The following LNX1 variants were observed in gnomAD, a reference collection of about 807,000 sequenced individuals.
LNX1 encodes E3 ubiquitin-protein ligase LNX.
A neutral mutation model predicts 68.4 loss-of-function variants in LNX1; 54 were observed. The ratio of observed to expected loss-of-function variants is 0.79; its 90% CI spans 0.63 to 0.99. The LOEUF is 0.99. LNX1 is among the 50% of genes least tolerant of loss of function. LNX1 has a pLI of 0.00. For missense variants in LNX1, 906 were observed against 926.4 expected (o/e 0.98, Z 0.29); for synonymous variants, 336 against 350.0 (o/e 0.96, Z 0.45).
upstream of LNX1, among the ~76,000 whole-genome samples, chr4:53,619,447 A>G (rs933724534): frequency 1.3e-5 from 2 of 152,150 alleles, no homozygotes; most frequent in African/African-American, 4.8e-5. Context: ...GAATCATGCA[A>G]TATGTGGCCT....
chr4:53,559,155 CAGG>C (rs1560665626), intron 2 of LNX1, among the ~76,000 whole-genome samples: 1 of 152,278 alleles, frequency 6.6e-6, no homozygotes, highest in South Asian at 2.1e-4. Context: ...GAAAAGTCTA[CAGG>C]ATGAGACGAG....
At chr4:53,575,107 G>A (rs1228488823) in intron 1 of LNX1, among the ~76,000 whole-genome samples, 1 of 151,894 alleles carries the variant, frequency 6.6e-6, no homozygotes, top group African/African-American at 2.4e-5. Context: ...TCAGCTTCCT[G>A]AGTAGCTGGG....
intron 2 of LNX1, among the ~76,000 whole-genome samples, chr4:53,567,954 T>TGAATCTC: frequency 6.6e-6 from 1 of 152,054 alleles, no homozygotes; most frequent in Admixed American, 6.5e-5. Flanking sequence ...AGGAAGAAGT[T>TGAATCTC]GAATCTCTGA....
At chr4:53,575,968 C>G (rs1297078212) in intron 1 of LNX1, 1 of 1,562,398 alleles carries the variant, frequency 6.4e-7, no homozygotes, top group East Asian at 2.3e-5. Context: ...GGGTGCCCTA[C>G]TGGCAGGCAT....
chr4:53,529,816 C>A (rs368610424), intron 2 of LNX1, among the ~76,000 whole-genome samples: 2 of 152,272 alleles, frequency 1.3e-5, no homozygotes, highest in Admixed American at 6.5e-5. Context: ...TTCCTAAATG[C>A]ATGACAATCA....
chr4:53,643,419 G>A (rs1734764257), intron 1 of LNX1, among the ~76,000 whole-genome samples: 1 of 152,010 alleles, frequency 6.6e-6, no homozygotes, highest in African/African-American at 2.4e-5. Flanking sequence ...CAAAGTGCTG[G>A]GATTACAGGG....
chr4:53,624,203 T>C (rs572368883), intron 1 of LNX1, among the ~76,000 whole-genome samples: 146 of 152,300 alleles, frequency 9.6e-4, no homozygotes, highest in Middle Eastern at 3.4e-3. Flanking sequence ...ATCATTAGCC[T>C]ATTTCTCTCT....
intron 2 of LNX1, among the ~76,000 whole-genome samples, chr4:53,512,344 G>C (rs1579443278): frequency 1.3e-5 from 2 of 150,842 alleles, no homozygotes; most frequent in South Asian, 4.3e-4. Context: ...GCCAGCTCTA[G>C]CTCCAGAGAT....
chr4:53,579,429 A>C (rs1577748611), intron 1 of LNX1, among the ~76,000 whole-genome samples: 2 of 152,094 alleles, frequency 1.3e-5, no homozygotes, highest in South Asian at 4.1e-4. Flanking sequence ...AGAAAAATAA[A>C]AACCCCCATC....
chr4:53,544,263 C>T lies in LNX1; in HGVS notation c.380+29360G>A, dbSNP rs1410564759. ...AGGCTGGAGTGCAGTGGTGCCATCTCAGCTCACTGCAGCCTCTGCCTTCCA... is the reference window on the plus strand; with the variant it reads ...AGGCTGGAGTGCAGTGGTGCCATCTTAGCTCACTGCAGCCTCTGCCTTCCA... On this transcript the variant is annotated intron_variant, in intron 2 of 10. Transcript: ENST00000263925. Among the ~76,000 whole-genome samples the T allele has an allele frequency of 4.0e-5, 6 of 151,662 alleles. No homozygotes were observed. In the East Asian group the frequency reaches 1.2e-3, roughly 29 times the overall value.
chr4:53,532,480 A>G (rs1560649608), intron 2 of LNX1, among the ~76,000 whole-genome samples: 1 of 152,094 alleles, frequency 6.6e-6, no homozygotes, highest in Non-Finnish European at 1.5e-5. Context: ...AATAAAATAA[A>G]AAAAAGAAAG....
intron 2 of LNX1, among the ~76,000 whole-genome samples, chr4:53,518,119 C>T (rs796628652): frequency 6.6e-5 from 10 of 152,264 alleles, no homozygotes; most frequent in African/African-American, 2.4e-4. Flanking sequence ...TGCAGGCCAC[C>T]ATCATGGGCA....
chr4:53,486,436 A>G (rs1724298292), intron 6 of LNX1, among the ~76,000 whole-genome samples: 9 of 151,970 alleles, frequency 5.9e-5, no homozygotes, highest in Admixed American at 5.9e-4. Context: ...TGCCATCCAT[A>G]TTCTCCCCTG....
chr4:53,491,625 C>G (rs1482431489), intron 6 of LNX1, among the ~76,000 whole-genome samples: 2 of 152,030 alleles, frequency 1.3e-5, no homozygotes, highest in African/African-American at 4.8e-5. Flanking sequence ...TTTGGTGCTT[C>G]TTTGGTAAAT....
intron 1 of LNX1, among the ~76,000 whole-genome samples, chr4:53,625,856 T>TGTGA (rs1734056906): frequency 6.6e-6 from 1 of 150,972 alleles, no homozygotes; most frequent in African/African-American, 2.4e-5. Context: ...TGTGTGTGTG[T>TGTGA]GTGTGTGTGT....
At chr4:53,618,001 T>C (rs532842975), upstream of LNX1, among the ~76,000 whole-genome samples, 6 of 152,302 alleles carry the variant, frequency 3.9e-5, no homozygotes, top group South Asian at 1.0e-3. Flanking sequence ...TGATTATTTA[T>C]TTTTCTTATT....
chr4:53,611,038 T>C (rs2590796), intron 2 of LNX1, among the ~76,000 whole-genome samples: 63,986 of 151,772 alleles, frequency 0.42, 13,449 homozygotes, highest in Admixed American at 0.45. Flanking sequence ...GGAATAAACA[T>C]TGGGGAAAAA....
intron 4 of LNX1, among the ~76,000 whole-genome samples, chr4:53,506,264 T>C (rs1174839724): frequency 2.0e-5 from 3 of 152,162 alleles, no homozygotes; most frequent in Non-Finnish European, 4.4e-5. Context: ...GATAGTCCTA[T>C]CCCCTTAACA....
At chr4:53,564,485 AGTGCTG>A (rs1730506869) in intron 2 of LNX1, among the ~76,000 whole-genome samples, 1 of 152,194 alleles carries the variant, frequency 6.6e-6, no homozygotes, top group Non-Finnish European at 1.5e-5. Context: ...GGATGACTCC[AGTGCTG>A]TCTTCTGTCT....
Sources: allele counts gnomAD v4.1 joint callset (sites outside exome capture counted in the v4.1 genomes callset), GRCh38; gene constraint gnomAD v4.1.1; transcripts MANE v1.5; gene names NCBI Gene and HGNC (gene_info 2026-07-23, HGNC 2026-07-21).